The following MCPH1 variants were observed in gnomAD, a reference collection of about 807,000 sequenced individuals.
MCPH1 encodes the protein microcephalin 1.
Under a neutral mutation model 84.5 loss-of-function variants are expected in MCPH1, and 104 were observed. The ratio of observed to expected loss-of-function variants is 1.23; its 90% CI spans 1.05 to 1.45. MCPH1 has a LOEUF of 1.45. MCPH1 is among the 40% of genes most tolerant of loss of function. The pLI is 0.00. For missense variants in MCPH1, 1,498 were observed against 1,005.7 expected (o/e 1.49, Z -6.62); for synonymous variants, 514 against 366.8 (o/e 1.40, Z -4.58).
chr8:6,544,274 T>C (rs778685293), intron 12 of MCPH1, among the ~76,000 whole-genome samples: 1 of 152,240 alleles, frequency 6.6e-6, no homozygotes, highest in Non-Finnish European at 1.5e-5. Flanking sequence ...AAACACGTTC[T>C]ACTTCTGTCT....
At chr8:6,597,395 A>G (rs371762847) in intron 12 of MCPH1, among the ~76,000 whole-genome samples, 52 of 152,300 alleles carry the variant, frequency 3.4e-4, no homozygotes, top group African/African-American at 1.1e-3. Flanking sequence ...CCAGGACTAG[A>G]AGGTAGACTC....
chr8:6,642,864 G>A lies in MCPH1; in HGVS notation c.2453-130G>A, dbSNP rs7005925. The A allele has an allele frequency of 8.3e-3, 6,554 of 791,720 alleles. 299 individuals are homozygous for A. In the African/African-American group the frequency reaches 0.099, roughly 12 times the overall value. The allele number at this position is 791,720 out of a possible 1,614,324, so 49.0% of individuals were successfully genotyped here. A position where few individuals can be genotyped will look rare whatever the true frequency, so the allele number is the denominator to read the frequency against. Reference sequence around the variant, plus strand: ...GGTATGTGTGCTCTATGGACGTGGGGGGGCCTATGGACAACACAGCTCTTG... The same window carrying A: ...GGTATGTGTGCTCTATGGACGTGGGAGGGCCTATGGACAACACAGCTCTTG... On this transcript the variant is annotated intron_variant, in intron 13 of 13. Transcript: ENST00000344683.
chr8:6,513,473 C>A (rs1346669058), intron 12 of MCPH1, among the ~76,000 whole-genome samples: 3 of 151,960 alleles, frequency 2.0e-5, no homozygotes, highest in African/African-American at 7.3e-5. Context: ...GCTGGGACTA[C>A]AGGCGCCCAC....
At chr8:6,641,606 T>C (rs1797941718) in intron 13 of MCPH1, among the ~76,000 whole-genome samples, 1 of 152,178 alleles carries the variant, frequency 6.6e-6, no homozygotes, top group Admixed American at 6.5e-5. Context: ...TAACTGGGTG[T>C]GGTGGTGCAT....
rs922230932 is a variant in MCPH1, at chr8:6,645,997, T to G, written c.*2948T>G. On this transcript the variant is annotated 3_prime_UTR_variant, in exon 14 of 14. Coordinates refer to ENST00000344683, the MANE Select transcript of MCPH1 (RefSeq NM_024596.5). ...CATTAAAATCTCAGATGGCTTTTTA[T>G]AGAATTTGAAAAGCTGATGCTAAAT... 1.3e-5 allele frequency: 2 copies of G among 152,250 alleles called. No homozygotes were observed. The highest frequency in any genetic ancestry group is 2.9e-5 in the Non-Finnish European group (2 of 68,038). 9.4% of individuals were successfully genotyped at this position (152,250 alleles called of 1,614,324 possible). A position where few individuals can be genotyped will look rare whatever the true frequency, so the allele number is the denominator to read the frequency against.
At chr8:6,578,723 A>G (rs577031107) in intron 12 of MCPH1, among the ~76,000 whole-genome samples, 1 of 152,328 alleles carries the variant, frequency 6.6e-6, no homozygotes, top group Non-Finnish European at 1.5e-5. Flanking sequence ...ACACAGGCTC[A>G]TTACAGGTCT....
chr8:6,424,714 G>T (rs1800800961), intron 3 of MCPH1, among the ~76,000 whole-genome samples: 1 of 152,186 alleles, frequency 6.6e-6, no homozygotes, highest in South Asian at 2.1e-4. Flanking sequence ...TCAACTGCTG[G>T]GCTCTAGGTT....
chr8:6,424,589 G>C (rs1800779933), intron 3 of MCPH1, among the ~76,000 whole-genome samples: 4 of 152,192 alleles, frequency 2.6e-5, no homozygotes, highest in Non-Finnish European at 5.9e-5. Flanking sequence ...CACTGTTTAA[G>C]GTCACTGACC....
In MCPH1 at chr8:6,455,188, G is replaced by A. The variant is rs1290757964; in HGVS notation, c.1871G>A (p.Cys624Tyr). Residue 624 changes from cysteine to tyrosine, a missense_variant, in exon 9 of 14, where the codon TGT becomes TAT. Coordinates refer to ENST00000344683, the MANE Select transcript of MCPH1 (RefSeq NM_024596.5). ...PTRHDVLDDS[C>Y]DGFKDLIKPH... ...AGGCATGATGTTTTAGATGACTCAT[G>A]TGACGGCTTTAAGGACCTCATCAAA... 2 of 1,614,076 alleles carry A rather than the reference G, an allele frequency of 1.2e-6. No homozygotes were observed. Among genetic ancestry groups the A allele is most frequent in the East Asian group, 2.2e-5 (1 of 44,846 alleles).
chr8:6,564,041 G>C (rs1586648278), intron 12 of MCPH1, among the ~76,000 whole-genome samples: 1 of 150,876 alleles, frequency 6.6e-6, no homozygotes, highest in African/African-American at 2.4e-5. Context: ...GAGTGCAGTG[G>C]GGCAATGTTG....
chr8:6,420,277 G>C (rs534276609), intron 3 of MCPH1, among the ~76,000 whole-genome samples: 2 of 152,052 alleles, frequency 1.3e-5, no homozygotes, highest in Non-Finnish European at 2.9e-5. Flanking sequence ...TGTTGTGGCA[G>C]TTGTGCTGGG....
chr8:6,602,025 G>C (rs1829412540), intron 12 of MCPH1, among the ~76,000 whole-genome samples: 1 of 152,236 alleles, frequency 6.6e-6, no homozygotes, highest in Admixed American at 6.5e-5. Flanking sequence ...TGCAGGCTCT[G>C]AAGAATTTTT....
chr8:6,440,200 CA>C (rs1322415649), intron 6 of MCPH1, among the ~76,000 whole-genome samples: 1 of 151,928 alleles, frequency 6.6e-6, no homozygotes, highest in Non-Finnish European at 1.5e-5. Context: ...AATTGTGTTG[CA>C]GTTTTTATTC....
chr8:6,516,527 C>G (rs902110499), intron 12 of MCPH1, among the ~76,000 whole-genome samples: 2 of 152,158 alleles, frequency 1.3e-5, no homozygotes, highest in African/African-American at 4.8e-5. Context: ...AACACAGTTC[C>G]AAGTTTAAAT....
intron 12 of MCPH1, chr8:6,507,572 C>CTTTTTTTTTTTTTT (rs35163014): frequency 9.5e-6 from 1 of 104,806 alleles, no homozygotes; most frequent in Non-Finnish European, 2.0e-5. Context: ...ACTTTCTTTT[C>CTTTTTTTTTTTTTT]TTTTTTTTTT....
chr8:6,417,641 T>C (rs1799505820), intron 3 of MCPH1, among the ~76,000 whole-genome samples: 2 of 152,222 alleles, frequency 1.3e-5, no homozygotes, highest in African/African-American at 4.8e-5. Context: ...TTCTAGTTGG[T>C]TTTTGTATAC....
At chr8:6,610,922 G>T (rs1830199573) in intron 12 of MCPH1, among the ~76,000 whole-genome samples, 1 of 151,790 alleles carries the variant, frequency 6.6e-6, no homozygotes, top group South Asian at 2.1e-4. Context: ...TGGGACTTTT[G>T]AACTGCAAAT....
intron 12 of MCPH1, among the ~76,000 whole-genome samples, chr8:6,534,434 A>G (rs758495207): frequency 6.6e-6 from 1 of 152,068 alleles, no homozygotes; most frequent in Non-Finnish European, 1.5e-5. Context: ...TCAGTCCCCC[A>G]CAGACATCAA....
At chr8:6,431,874 C>A (rs1028893752) in intron 4 of MCPH1, among the ~76,000 whole-genome samples, 1 of 152,168 alleles carries the variant, frequency 6.6e-6, no homozygotes, top group Non-Finnish European at 1.5e-5. Flanking sequence ...GTAATTACTT[C>A]AGAATGAAGT....
Sources: allele counts gnomAD v4.1 joint callset (sites outside exome capture counted in the v4.1 genomes callset), GRCh38; gene constraint gnomAD v4.1.1; transcripts MANE v1.5; gene names NCBI Gene and HGNC (gene_info 2026-07-23, HGNC 2026-07-21).